The following DLGAP2 variants were observed in gnomAD, a reference collection of about 807,000 sequenced individuals.
DLGAP2 encodes disks large-associated protein 2.
DLGAP2 carries 26 observed loss-of-function variants against 100.3 expected under a neutral mutation model. That is an observed-to-expected ratio of 0.26 (90% CI 0.19 to 0.36). The LOEUF is 0.36. Among genes scored for constraint, DLGAP2 ranks in the 10% least tolerant of loss-of-function variants. The probability of loss-of-function intolerance (pLI) is 1.00; values close to 1 mark genes in which losing one functional copy is unlikely to be tolerated. For missense variants in DLGAP2, 1,858 were observed against 1,453.2 expected (o/e 1.28, Z -4.53); for synonymous variants, 886 against 630.1 (o/e 1.41, Z -6.08).
At chr8:1,145,318 A>G (rs574418404) in intron 2 of DLGAP2, among the ~76,000 whole-genome samples, 5 of 151,876 alleles carry the variant, frequency 3.3e-5, no homozygotes, top group Admixed American at 2.0e-4. Context: ...ATCCCCTCCC[A>G]TGAGTTATGA....
At chr8:1,607,474 A>T (rs1009511579) in intron 6 of DLGAP2, among the ~76,000 whole-genome samples, 3 of 152,272 alleles carry the variant, frequency 2.0e-5, no homozygotes, top group Admixed American at 1.3e-4. Context: ...ATCTTTTCTT[A>T]GAAATACATT....
At chr8:1,188,979 C>A (rs1056449853) in intron 2 of DLGAP2, among the ~76,000 whole-genome samples, 6 of 149,718 alleles carry the variant, frequency 4.0e-5, no homozygotes, top group Non-Finnish European at 7.4e-5. Flanking sequence ...AGGGTTCGGG[C>A]CCCAGGCCGG....
intron 7 of DLGAP2, among the ~76,000 whole-genome samples, chr8:1,628,912 C>A (rs1393602133): frequency 1.3e-5 from 2 of 152,256 alleles, no homozygotes; most frequent in East Asian, 3.8e-4. Context: ...ATCGGCGTGA[C>A]AATGGAAGTA....
chr8:1,168,450 C>A (rs367935034), intron 2 of DLGAP2, among the ~76,000 whole-genome samples: 1 of 149,740 alleles, frequency 6.7e-6, no homozygotes, highest in South Asian at 2.2e-4. Flanking sequence ...CCTGAGGAAT[C>A]GCCACACTGA....
chr8:956,302 C>G (rs1376207306), intron 2 of DLGAP2, among the ~76,000 whole-genome samples: 2 of 152,212 alleles, frequency 1.3e-5, no homozygotes, highest in East Asian at 3.9e-4. Flanking sequence ...TCAAAAGCTG[C>G]TTGGCAAGGC....
At chr8:1,577,903 T>C (rs1369724683) in intron 6 of DLGAP2, among the ~76,000 whole-genome samples, 1 of 152,224 alleles carries the variant, frequency 6.6e-6, no homozygotes, top group Non-Finnish European at 1.5e-5. Context: ...GAGGTGCCAC[T>C]GGCACCAGCG....
chr8:1,601,167 T>C (rs1655664095), intron 6 of DLGAP2, among the ~76,000 whole-genome samples: 1 of 152,208 alleles, frequency 6.6e-6, no homozygotes, highest in African/African-American at 2.4e-5. Flanking sequence ...AGAGGTCCAC[T>C]CCAGACCCTG....
chr8:1,387,372 G>A (rs1216810012), intron 3 of DLGAP2, among the ~76,000 whole-genome samples: 2 of 152,208 alleles, frequency 1.3e-5, no homozygotes, highest in Non-Finnish European at 2.9e-5. Flanking sequence ...ACAGAGAGTA[G>A]AAACCCTGAA....
At chr8:1,371,163 G>A (rs117076071) in intron 3 of DLGAP2, among the ~76,000 whole-genome samples, 4 of 152,340 alleles carry the variant, frequency 2.6e-5, no homozygotes, top group African/African-American at 4.8e-5. Flanking sequence ...AGTAAGACAC[G>A]TCTTTCTTTT....
chr8:1,070,896 T>C (rs978870902), intron 2 of DLGAP2, among the ~76,000 whole-genome samples: 2 of 152,212 alleles, frequency 1.3e-5, no homozygotes, highest in Non-Finnish European at 2.9e-5. Context: ...CGACAAGCAC[T>C]GAGCACCGTT....
intron 2 of DLGAP2, among the ~76,000 whole-genome samples, chr8:1,166,089 C>T (rs1797009674): frequency 6.6e-6 from 1 of 152,234 alleles, no homozygotes; most frequent in African/African-American, 2.4e-5. Flanking sequence ...GGCTCTTGCC[C>T]TCTCTCAGGT....
At position 1,076,813 on chromosome 8, in the gene DLGAP2, G is replaced by A. The variant is rs1039352422; in HGVS notation, c.73+168847G>A. On this transcript the variant is annotated intron_variant, in intron 2 of 14. Transcript: ENST00000637795. ...GACCAAGAAGGTGGAGGAGGAGTCT[G>A]TCCCAGGCCCCCCCCCAAGACCAAG... is the stretch of plus-strand genomic sequence containing the variant. Among the ~76,000 whole-genome samples, 29 of 137,508 alleles carry A rather than the reference G, an allele frequency of 2.1e-4. No individual in the cohort carries two copies. In the East Asian group the frequency reaches 2.6e-3, roughly 12 times the overall value. The allele number at this position is 137,508 out of a possible 152,430, so 90.2% of individuals were successfully genotyped here.
intron 2 of DLGAP2, among the ~76,000 whole-genome samples, chr8:972,186 A>C (rs564340802): frequency 6.6e-6 from 1 of 152,324 alleles, no homozygotes; most frequent in Admixed American, 6.5e-5. Flanking sequence ...ACAGACATAA[A>C]TCTCACCCTA....
At chr8:1,641,492 G>A (rs1797897471) in intron 8 of DLGAP2, among the ~76,000 whole-genome samples, 1 of 152,162 alleles carries the variant, frequency 6.6e-6, no homozygotes, top group Admixed American at 6.5e-5. Flanking sequence ...AAGTGAACTT[G>A]TCTAGACGAA....
At chr8:1,509,734 G>T (rs143985129) in intron 4 of DLGAP2, among the ~76,000 whole-genome samples, 1 of 152,076 alleles carries the variant, frequency 6.6e-6, no homozygotes, top group East Asian at 1.9e-4. Flanking sequence ...TTCCTACCTC[G>T]TTGGAATTTT....
chr8:1,189,727 G>A (rs963062672), intron 2 of DLGAP2, among the ~76,000 whole-genome samples: 1 of 114,090 alleles, frequency 8.8e-6, no homozygotes, highest in Non-Finnish European at 2.1e-5. Flanking sequence ...GCGAGCTCGA[G>A]TTATCCAATA....
intron 1 of DLGAP2, among the ~76,000 whole-genome samples, chr8:761,047 C>T (rs544942444): frequency 2.0e-5 from 3 of 152,214 alleles, no homozygotes; most frequent in African/African-American, 4.8e-5. Flanking sequence ...TGGCTAGCAT[C>T]GAGTGTTTGC....
At chr8:1,452,589 A>T (rs2130117243) in intron 3 of DLGAP2, among the ~76,000 whole-genome samples, 1 of 152,286 alleles carries the variant, frequency 6.6e-6, no homozygotes, top group South Asian at 2.1e-4. Context: ...CAAAGGGTGG[A>T]GGCAGGACAC....
intron 2 of DLGAP2, among the ~76,000 whole-genome samples, chr8:918,777 C>T (rs541584350): frequency 2.0e-4 from 31 of 152,212 alleles, no homozygotes; most frequent in African/African-American, 6.3e-4. Flanking sequence ...TAGACATATA[C>T]GGGTAAGACA....
Sources: allele counts gnomAD v4.1 joint callset (sites outside exome capture counted in the v4.1 genomes callset), GRCh38; gene constraint gnomAD v4.1.1; transcripts MANE v1.5; gene names NCBI Gene and HGNC (gene_info 2026-07-23, HGNC 2026-07-21).